Variants in TLE1 observed in about 807,000 individuals in gnomAD.
TLE1 encodes transducin-like enhancer protein 1.
TLE1 carries 21 observed loss-of-function variants against 89.8 expected under a neutral mutation model. The observed-to-expected ratio is 0.23, with a 90% CI of 0.17 to 0.34. The LOEUF (loss-of-function observed/expected upper bound fraction) is 0.34, where lower values mean the gene tolerates loss of function less well. Ranked by LOEUF, TLE1 falls within the 10% of genes least tolerant of loss-of-function variation. The pLI, the probability that TLE1 is intolerant of heterozygous loss-of-function variation, is 1.00. For synonymous variants in TLE1, 447 were observed against 407.6 expected (o/e 1.10, Z -1.16); for missense variants, 795 against 1,031.2 (o/e 0.77, Z 3.14).
chr9:81,595,134 AC>A (rs914997169), intron 14 of TLE1, among the ~76,000 whole-genome samples: 5 of 152,156 alleles, frequency 3.3e-5, no homozygotes, highest in Non-Finnish European at 7.3e-5. Context: ...ACATATAAAA[AC>A]AATATAGCTC....
intron 1 of TLE1, among the ~76,000 whole-genome samples, chr9:81,687,838 G>C (rs748678855): frequency 7.9e-5 from 12 of 152,036 alleles, no homozygotes; most frequent in African/African-American, 1.2e-4. Context: ...AGAGTCGCCG[G>C]GGCCACCTCC....
rs187470408 is a variant in TLE1, at chr9:81,642,595, G to A, written c.373-8294C>T. 1.1e-4 allele frequency among the ~76,000 whole-genome samples: 16 copies of A among 152,210 alleles called. 1 individual carries two copies. In the East Asian group the frequency reaches 2.3e-3, roughly 22 times the overall value. On this transcript the variant is annotated intron_variant, in intron 6 of 19. Coordinates refer to ENST00000376499, the MANE Select transcript of TLE1 (RefSeq NM_005077.5). ...TATAATCCCAGCTACTCCAGAGGCT[G>A]AGGCAGGAGAACTGCTTGAACCCAA...
chr9:81,651,379 A>G (rs1422939105), intron 6 of TLE1, among the ~76,000 whole-genome samples: 1 of 152,144 alleles, frequency 6.6e-6, no homozygotes, highest in African/African-American at 2.4e-5. Context: ...GATGGAATGC[A>G]CGGTTCACCA....
intron 14 of TLE1, among the ~76,000 whole-genome samples, chr9:81,606,994 CAAGAGGATCACTTGAGCCCAGG>C (rs1831762959): frequency 6.8e-6 from 1 of 147,900 alleles, no homozygotes. Flanking sequence ...GAGGCCATGG[CAAGAGGATCACTTGAGCCCAGG>C]AGTTTGAAAC....
At chr9:81,630,601 G>T (rs150727051) in intron 8 of TLE1, among the ~76,000 whole-genome samples, 1 of 152,182 alleles carries the variant, frequency 6.6e-6, no homozygotes, top group Non-Finnish European at 1.5e-5. Flanking sequence ...GATTTCAAGG[G>T]TATCAAGATC....
At chr9:81,673,917 T>C (rs1340659970) in intron 4 of TLE1, among the ~76,000 whole-genome samples, 1 of 152,170 alleles carries the variant, frequency 6.6e-6, no homozygotes, top group East Asian at 1.9e-4. Context: ...TGGATGCCCT[T>C]TCTCCATCTG....
intron 4 of TLE1, among the ~76,000 whole-genome samples, chr9:81,657,289 TTTAAGTC>T (rs1830257373): frequency 6.6e-6 from 1 of 152,216 alleles, no homozygotes; most frequent in African/African-American, 2.4e-5. Context: ...TGTATAGAAC[TTTAAGTC>T]TTTATGTGGT....
intron 4 of TLE1, among the ~76,000 whole-genome samples, chr9:81,674,882 T>C: frequency 6.6e-6 from 1 of 152,116 alleles, no homozygotes; most frequent in Non-Finnish European, 1.5e-5. Context: ...ACGCCAGGTG[T>C]GGTGGCTCAC....
At chr9:81,601,572 A>C (rs1473430025) in intron 14 of TLE1, among the ~76,000 whole-genome samples, 1 of 151,818 alleles carries the variant, frequency 6.6e-6, no homozygotes, top group South Asian at 2.1e-4. Flanking sequence ...CCAGGTATTT[A>C]TAGGGAGAAC....
At chr9:81,660,150 C>A (rs1311632023) in intron 4 of TLE1, among the ~76,000 whole-genome samples, 1 of 152,070 alleles carries the variant, frequency 6.6e-6, no homozygotes. Context: ...GAACACGACT[C>A]CTACTAAATA....
chr9:81,616,070 C>T lies in TLE1; in HGVS notation c.830G>A (p.Arg277His), dbSNP rs775644982. The T allele has an allele frequency of 3.1e-6, 5 of 1,614,106 alleles. No individual in the cohort carries two copies. The highest frequency in any genetic ancestry group is 1.1e-5 in the South Asian group (1 of 91,070). Reference protein sequence around the residue: ...SPRENGIDKNRLLKKDASSSP... With the variant: ...SPRENGIDKNHLLKKDASSSP... ...GCTAGAAGCATCCTTCTTTAGCAGGCGATTTTTGTCGATTCCATTTTCCCG... is the reference window on the plus strand; with the variant it reads ...GCTAGAAGCATCCTTCTTTAGCAGGTGATTTTTGTCGATTCCATTTTCCCG... Residue 277 changes from arginine to histidine, a missense_variant, in exon 11 of 20, where the codon CGC becomes CAC. Arg to His is a conservative substitution (Grantham distance 29). This residue lies in a region of TLE1 where 468 missense variants were observed against 509.1 expected (regional missense o/e 0.92). Coordinates refer to ENST00000376499, the MANE Select transcript of TLE1 (RefSeq NM_005077.5).
chr9:81,594,465 A>G (rs746371911), intron 14 of TLE1, among the ~76,000 whole-genome samples: 7 of 152,120 alleles, frequency 4.6e-5, no homozygotes, highest in Admixed American at 6.5e-5. Context: ...TCTCACTCAT[A>G]AATGGGAGTT....
At chr9:81,660,573 C>T (rs554586831) in intron 4 of TLE1, among the ~76,000 whole-genome samples, 9 of 150,740 alleles carry the variant, frequency 6.0e-5, no homozygotes, top group Admixed American at 2.0e-4. Context: ...GCTACCACAC[C>T]CGGCTAATTT....
chr9:81,585,364 G>C (rs911160021), intron 18 of TLE1, 141 bp downstream of exon 18: 12 of 1,060,902 alleles, frequency 1.1e-5, no homozygotes, highest in Admixed American at 5.3e-5. Flanking sequence ...TGCTCTGAAG[G>C]GCATATTAAA....
chr9:81,668,887 AT>A (rs1443729212), intron 4 of TLE1, among the ~76,000 whole-genome samples: 1 of 152,230 alleles, frequency 6.6e-6, no homozygotes, highest in Admixed American at 6.5e-5. Context: ...CACTCCTGTA[AT>A]TCACAAGTTA....
chr9:81,626,415 C>T (rs966465390), intron 8 of TLE1, among the ~76,000 whole-genome samples: 8 of 152,182 alleles, frequency 5.3e-5, no homozygotes, highest in African/African-American at 1.9e-4. Context: ...CTGCGCTGCA[C>T]TTTTTGCTAC....
Position 81,613,537 on chromosome 9 carries a change from AAATT to A in TLE1, c.919-20_919-17del, listed in dbSNP as rs780411453. The A allele has an allele frequency of 3.1e-6, 5 of 1,613,020 alleles. No individual in the cohort carries two copies. The Admixed American group carries it at 8.4e-5, about 27-fold the overall frequency. ...CTTTTTCATGCTGGTGTCATTAAAC[AAATT>A]AAATGAGTATTATTTTTAATCCAAG... On this transcript the variant is annotated splice_polypyrimidine_tract_variant and intron_variant, in intron 11 of 19. Transcript: ENST00000376499.
chr9:81,614,727 G>A (rs747903397), intron 11 of TLE1, among the ~76,000 whole-genome samples: 15 of 152,104 alleles, frequency 9.9e-5, no homozygotes, highest in African/African-American at 4.8e-5. Context: ...TTGAATGAGT[G>A]ACCACATGAG....
In TLE1 at chr9:81,688,549, C is replaced by T. The variant is rs370904391; in HGVS notation, c.-309G>A. ...TGTGCGCGGGGGCAGCGCTCCAACC[C>T]CCGGCCTCAGCTGCCCGGGCGGGGA... On this transcript the variant is annotated 5_prime_UTR_variant, in exon 1 of 20. Transcript: ENST00000376499. 6.2e-6 allele frequency: 2 copies of T among 320,292 alleles called. No individual in the cohort carries two copies. The highest frequency in any genetic ancestry group is 1.1e-5 in the Non-Finnish European group (2 of 177,866). 19.8% of individuals were successfully genotyped at this position (320,292 alleles called of 1,614,324 possible).
Sources: gnomAD v4.1 joint callset for allele counts (sites outside exome capture counted in the v4.1 genomes callset) on GRCh38, gnomAD v4.1.1 for gene constraint, gnomAD v4.1.1 regional missense constraint, MANE v1.5 for transcripts, NCBI Gene and HGNC (gene_info 2026-07-23, HGNC 2026-07-21) for gene names.